PLXNA4: variants seen among roughly 807,000 people sequenced by gnomAD.
PLXNA4 encodes the protein plexin A4, also known as plexin-A4.
PLXNA4 carries 44 observed loss-of-function variants against 191.8 expected under a neutral mutation model. The observed-to-expected ratio is 0.23, with a 90% CI of 0.18 to 0.29. The LOEUF (loss-of-function observed/expected upper bound fraction) is 0.29. Ranked by LOEUF, PLXNA4 falls within the 10% of genes least tolerant of loss-of-function variation. PLXNA4 has a pLI of 1.00. For synonymous variants in PLXNA4, 1,082 were observed against 1,009.5 expected (o/e 1.07, Z -1.36); for missense variants, 1,800 against 2,488.8 (o/e 0.72, Z 5.89).
At chr7:132,526,631 G>T (rs1054642296) in intron 1 of PLXNA4, among the ~76,000 whole-genome samples, 1 of 152,166 alleles carries the variant, frequency 6.6e-6, no homozygotes, top group Non-Finnish European at 1.5e-5. Flanking sequence ...CCCCTGTTGG[G>T]GCTGCTGTTT....
Position 132,227,583 on chromosome 7 carries a change from C to T in PLXNA4, c.1750G>A (p.Val584Ile). The change falls in exon 7 of 32, where the codon GTC (valine) becomes ATC (isoleucine). Residue 584 changes from valine (V) to isoleucine (I), a missense_variant. Transcript: ENST00000321063. ...TTGACGCCAGCTGACAGCTCCGGGA[C>T]ATTGTACGTCTCCAGGACCAGCTGT... ...NVLLVLETYN[V>I]PELSAGVNCT... is the part of the protein sequence containing the mutation. 2 of 1,614,090 alleles carry T rather than the reference C, an allele frequency of 1.2e-6. No homozygotes were observed. The highest frequency in any genetic ancestry group is 1.7e-6 in the Non-Finnish European group (2 of 1,180,034).
At chr7:132,178,143 C>T (rs1448465147) in intron 20 of PLXNA4, among the ~76,000 whole-genome samples, 1 of 152,184 alleles carries the variant, frequency 6.6e-6, no homozygotes, top group Non-Finnish European at 1.5e-5. Flanking sequence ...ACCCTTCCTT[C>T]TAAATCACAG....
chr7:132,274,648 T>C (rs1029946988), intron 4 of PLXNA4, among the ~76,000 whole-genome samples: 5 of 152,272 alleles, frequency 3.3e-5, no homozygotes, highest in Middle Eastern at 3.4e-3. Context: ...TACTAGTTGG[T>C]AATTTTGTAG....
At chr7:132,473,838 G>A (rs1797021331) in intron 3 of PLXNA4, among the ~76,000 whole-genome samples, 1 of 147,248 alleles carries the variant, frequency 6.8e-6, no homozygotes, top group African/African-American at 2.5e-5. Flanking sequence ...GAATGTGCAA[G>A]ACTCCGTCTC....
intron 1 of PLXNA4, among the ~76,000 whole-genome samples, chr7:132,511,357 A>C (rs1798707987): frequency 6.6e-6 from 1 of 152,172 alleles, no homozygotes; most frequent in African/African-American, 2.4e-5. Flanking sequence ...ACTGGGTTTG[A>C]AGTCCAGGTT....
At chr7:132,275,284 A>C (rs1800230252) in intron 4 of PLXNA4, among the ~76,000 whole-genome samples, 1 of 152,216 alleles carries the variant, frequency 6.6e-6, no homozygotes, top group African/African-American at 2.4e-5. Flanking sequence ...GAGATGTTCC[A>C]TGTACCCTAT....
chr7:132,372,533 T>C (rs931938428), intron 3 of PLXNA4, among the ~76,000 whole-genome samples: 1 of 152,160 alleles, frequency 6.6e-6, no homozygotes, highest in Non-Finnish European at 1.5e-5. Context: ...CACCACAGCC[T>C]TCAGGCAGGA....
At chr7:132,168,600 C>A in intron 21 of PLXNA4, 28 bp from the exon 22 acceptor site, 1 of 1,539,746 alleles carries the variant, frequency 6.5e-7, no homozygotes, top group South Asian at 1.3e-5. Flanking sequence ...AGTCGTGATG[C>A]CATTGGCAGG....
Position 132,211,048 on chromosome 7 carries a change from C to A in PLXNA4, c.2193G>T (p.Gln731His), listed in dbSNP as rs755837883. The change falls in exon 10 of 32, where the codon CAG becomes CAT. Residue 731 changes from glutamine to histidine, a missense_variant. Gln to His is a conservative substitution (Grantham distance 24). Transcript: ENST00000321063. ...TLKAKNLPQP[Q>H]SGQRGYECIL... is the part of the protein sequence containing the mutation. The stretch of plus-strand genomic sequence containing the variant: ...TGCATTCGTAGCCACGCTGCCCAGA[C>A]TGGGGCTGGGGGAGGTTCTTGGCCT... 1.2e-6 allele frequency: 2 copies of A among 1,613,252 alleles called. No homozygotes were observed. The highest frequency in any genetic ancestry group is 1.7e-6 in the Non-Finnish European group (2 of 1,179,646).
intron 12 of PLXNA4, among the ~76,000 whole-genome samples, chr7:132,200,202 G>A (rs1562916396): frequency 6.6e-6 from 1 of 152,202 alleles, no homozygotes; most frequent in East Asian, 1.9e-4. Flanking sequence ...AGGGAGATAT[G>A]TTTAATTTGC....
At chr7:132,203,573 A>T (rs1364160976) in intron 10 of PLXNA4, among the ~76,000 whole-genome samples, 154 bp from the exon 11 acceptor site, 1 of 152,224 alleles carries the variant, frequency 6.6e-6, no homozygotes, top group East Asian at 1.9e-4. Context: ...TGTGCATACA[A>T]GTATGCACAT....
At chr7:132,498,823 G>T (rs1798133895) in intron 2 of PLXNA4, among the ~76,000 whole-genome samples, 1 of 152,150 alleles carries the variant, frequency 6.6e-6, no homozygotes, top group African/African-American at 2.4e-5. Flanking sequence ...TTTAGGAGGT[G>T]GGGCTGGGGA....
intron 12 of PLXNA4, among the ~76,000 whole-genome samples, chr7:132,201,863 ATGAG>A (rs1562917464): frequency 6.6e-6 from 1 of 152,178 alleles, no homozygotes; most frequent in East Asian, 1.9e-4. Flanking sequence ...ACCAATGATG[ATGAG>A]TGAGGAGGCT....
intron 4 of PLXNA4, among the ~76,000 whole-genome samples, chr7:132,287,564 A>ACC (rs200984635): frequency 2.0e-5 from 3 of 149,526 alleles, no homozygotes; most frequent in African/African-American, 7.4e-5. Flanking sequence ...TCTGTTCATG[A>ACC]CCCCCCCCGG....
At chr7:132,143,254 T>C (rs1024505674) in intron 29 of PLXNA4, among the ~76,000 whole-genome samples, 10 of 151,946 alleles carry the variant, frequency 6.6e-5, no homozygotes, top group African/African-American at 2.4e-4. Context: ...CAAGTCAGGG[T>C]TGGGGGAAAG....
At position 132,357,015 on chromosome 7, in the gene PLXNA4, C is replaced by T. The variant is rs544178054; in HGVS notation, c.1372-58793G>A. On this transcript the variant is annotated intron_variant, in intron 3 of 31. Coordinates refer to ENST00000321063, the MANE Select transcript of PLXNA4 (RefSeq NM_020911.2). ...ACCACCTGTTTCCAAAGGGCTTCAACGTTAAAGGCAACATCTCTGCCTATG... is the reference window on the plus strand; with the variant it reads ...ACCACCTGTTTCCAAAGGGCTTCAATGTTAAAGGCAACATCTCTGCCTATG... 8.5e-5 allele frequency among the ~76,000 whole-genome samples: 13 copies of T among 152,194 alleles called. No individual in the cohort carries two copies. The South Asian group carries it at 1.0e-3, about 12-fold the overall frequency.
chr7:132,323,477 C>T (rs569993756), intron 3 of PLXNA4, among the ~76,000 whole-genome samples: 1 of 152,280 alleles, frequency 6.6e-6, no homozygotes, highest in East Asian at 1.9e-4. Flanking sequence ...AACAACAAAA[C>T]CCCAACCCAG....
intron 1 of PLXNA4, among the ~76,000 whole-genome samples, chr7:132,539,311 A>G (rs1171542874): frequency 2.0e-5 from 3 of 152,164 alleles, no homozygotes; most frequent in Non-Finnish European, 4.4e-5. Flanking sequence ...CAGACCCTCC[A>G]CCTGTCTTCC....
intron 1 of PLXNA4, among the ~76,000 whole-genome samples, chr7:132,539,394 C>T (rs1799977831): frequency 1.3e-5 from 2 of 152,202 alleles, no homozygotes; most frequent in African/African-American, 4.8e-5. Context: ...TCTCAAGTTG[C>T]AATTGGTCCC....
Sources: gnomAD v4.1 joint callset for allele counts (sites outside exome capture counted in the v4.1 genomes callset) on GRCh38, gnomAD v4.1.1 for gene constraint, MANE v1.5 for transcripts, NCBI Gene and HGNC (gene_info 2026-07-23, HGNC 2026-07-21) for gene names.